SERF1B: variants seen among roughly 807,000 people sequenced by gnomAD.
SERF1B encodes the protein small EDRK-rich factor 1B.
At chr5:70,038,250 G>T (rs1194890081) in intron 2 of SERF1B, among the ~76,000 whole-genome samples, 2 of 150,332 alleles carry the variant, frequency 1.3e-5, no homozygotes, top group Non-Finnish European at 1.5e-5. Context: ...CACTCAAGGG[G>T]GCTGTTAGGG....
intron 2 of SERF1B, among the ~76,000 whole-genome samples, chr5:70,035,386 T>TTTA (rs1774170801): frequency 8.1e-6 from 1 of 123,344 alleles, no homozygotes; most frequent in African/African-American, 3.0e-5. Context: ...TATTATTATT[T>TTTA]TTTTTTTTTT....
chr5:70,035,367 T>TATC (rs1237288791), intron 2 of SERF1B, among the ~76,000 whole-genome samples: 2 of 138,736 alleles, frequency 1.4e-5, no homozygotes, highest in Admixed American at 7.5e-5. Flanking sequence ...TAATTTTAAT[T>TATC]ATTATTATTA....
rs1774168584 is a variant in SERF1B at position 70,035,364 on chromosome 5, A to ATT, written c.117-6160_117-6159insTT. ...ATGCCCATCCCTGGAGAATAATTTT[A>ATT]ATTATTATTATTATTATTATTTTTT... On this transcript the variant is annotated intron_variant, in intron 2 of 2. Coordinates refer to ENST00000380750, the MANE Select transcript of SERF1B (RefSeq NM_022978.3). 3.0e-5 allele frequency among the ~76,000 whole-genome samples: 4 copies of ATT among 132,226 alleles called. No individual in the cohort carries two copies. The Admixed American group carries it at 3.2e-4, about 11-fold the overall frequency. 86.7% of individuals were successfully genotyped at this position (132,226 alleles called of 152,430 possible).
intron 2 of SERF1B, among the ~76,000 whole-genome samples, chr5:70,036,619 A>ACTCT (rs1774189241): frequency 8.0e-6 from 1 of 124,586 alleles, no homozygotes; most frequent in Non-Finnish European, 1.7e-5. Flanking sequence ...ACACACACAC[A>ACTCT]CACACACACA....
At chr5:70,036,381 G>GT (rs1392889098) in intron 2 of SERF1B, among the ~76,000 whole-genome samples, 2 of 84,346 alleles carry the variant, frequency 2.4e-5, no homozygotes, top group African/African-American at 1.2e-4. Flanking sequence ...GAGCTCAGGA[G>GT]TTTGAGACCA....
chr5:70,028,900 C>G (rs1459738800), intron 2 of SERF1B, among the ~76,000 whole-genome samples: 1 of 151,030 alleles, frequency 6.6e-6, no homozygotes, highest in South Asian at 2.1e-4. Context: ...TGGCGTGAAC[C>G]CGGGAGGCGG....
rs1190752176 is a variant in SERF1B at position 70,036,627 on chromosome 5, A to ACTCTCT, written c.117-4896_117-4895insTCTCTC. On this transcript the variant is annotated intron_variant, in intron 2 of 2. Transcript: ENST00000380750. ...CACACACACACACACACACACACAC[A>ACTCTCT]CACTCTCTCTCTCTCTCTCTCTCTC... 5.4e-3 allele frequency among the ~76,000 whole-genome samples: 271 copies of ACTCTCT among 49,968 alleles called. 1 individual carries two copies. Among genetic ancestry groups the ACTCTCT allele is most frequent in the South Asian group, 0.018 (30 of 1,676 alleles). The allele number at this position is 49,968 out of a possible 152,430, so 32.8% of individuals were successfully genotyped here. A position where few individuals can be genotyped will look rare whatever the true frequency, so the allele number is the denominator to read the frequency against.
chr5:70,041,409 TAC>T, intron 2 of SERF1B, 113 bp from the exon 3 acceptor site: 1 of 680,920 alleles, frequency 1.5e-6, no homozygotes, highest in Non-Finnish European at 2.7e-6. Context: ...CAAACATGCA[TAC>T]ACACACATAC....
At chr5:70,041,446 T>C (rs1295086505) in intron 2 of SERF1B, 78 bp from the exon 3 acceptor site, 1 of 634,512 alleles carries the variant, frequency 1.6e-6, no homozygotes, top group African/African-American at 1.9e-5. Context: ...TGTGGGAATG[T>C]ATTTGATTCT....
At position 70,041,804 on chromosome 5, in the gene SERF1B, T is replaced by TC. The variant is rs1774264581; in HGVS notation, c.*67dup. On this transcript the variant is annotated 3_prime_UTR_variant, in exon 3 of 3. Transcript: ENST00000380750. ...TTAATTTCATCTACAAAAACTGTTTTCCCAAATAGGTCACATTCACGCATA... is the reference window on the plus strand; with the variant it reads ...TTAATTTCATCTACAAAAACTGTTTTCCCCAAATAGGTCACATTCACGCATA... 1 of 574,694 alleles carries TC rather than the reference T, an allele frequency of 1.7e-6. No homozygotes were observed. Among genetic ancestry groups the TC allele is most frequent in the Non-Finnish European group, 3.1e-6 (1 of 327,682 alleles). 35.6% of individuals were successfully genotyped at this position (574,694 alleles called of 1,614,324 possible). A position where few individuals can be genotyped will look rare whatever the true frequency, so the allele number is the denominator to read the frequency against.
chr5:70,041,429 TA>T lies in SERF1B; in HGVS notation c.117-93del, dbSNP rs1774256414. ...ATGCATACACACACATACACATAAA[TA>T]AGGGGTGTGGGAATGTATTTGATTC... On this transcript the variant is annotated intron_variant, in intron 2 of 2. Coordinates refer to ENST00000380750, the MANE Select transcript of SERF1B (RefSeq NM_022978.3). 3 of 666,254 alleles carry T rather than the reference TA, an allele frequency of 4.5e-6. 1 individual carries two copies. The East Asian group carries it at 8.1e-5, about 18-fold the overall frequency. 41.3% of individuals were successfully genotyped at this position (666,254 alleles called of 1,614,324 possible). A position where few individuals can be genotyped will look rare whatever the true frequency, so the allele number is the denominator to read the frequency against.
At chr5:70,029,405 G>A (rs1418854225) in intron 2 of SERF1B, among the ~76,000 whole-genome samples, 4 of 150,508 alleles carry the variant, frequency 2.7e-5, no homozygotes, top group Non-Finnish European at 4.4e-5. Flanking sequence ...CAAAGTGCTG[G>A]GATTACAGGC....
At chr5:70,038,224 G>A (rs1774225601) in intron 2 of SERF1B, among the ~76,000 whole-genome samples, 1 of 150,836 alleles carries the variant, frequency 6.6e-6, no homozygotes, top group African/African-American at 2.5e-5. Flanking sequence ...TTTGGTCAAA[G>A]ACTGTAGCCT....
intron 2 of SERF1B, among the ~76,000 whole-genome samples, chr5:70,036,300 A>G (rs1774182136): frequency 4.0e-5 from 2 of 50,250 alleles, no homozygotes; most frequent in Admixed American, 2.0e-4. Context: ...AAAAATTTTT[A>G]TATAGGCTGG....
chr5:70,036,840 T>C (rs1774197113), intron 2 of SERF1B, among the ~76,000 whole-genome samples: 1 of 78,022 alleles, frequency 1.3e-5, no homozygotes, highest in Non-Finnish European at 2.4e-5. Context: ...GTCATAAAAC[T>C]GTCACTGAGA....
chr5:70,028,371 G>A (rs1774081097), intron 2 of SERF1B, among the ~76,000 whole-genome samples: 1 of 148,588 alleles, frequency 6.7e-6, no homozygotes, highest in Non-Finnish European at 1.5e-5. Context: ...TGGTTAACAC[G>A]GTGAAACCCC....
At position 70,036,593 on chromosome 5, in the gene SERF1B, A is replaced by G. The variant is rs547337478; in HGVS notation, c.117-4931A>G. On this transcript the variant is annotated intron_variant, in intron 2 of 2. Coordinates refer to ENST00000380750, the MANE Select transcript of SERF1B (RefSeq NM_022978.3). ...TAAGAGTGGGACCCTGTCTCAAAAC[A>G]TACACACACACACACACACACACAC... is the stretch of plus-strand genomic sequence containing the variant. Among the ~76,000 whole-genome samples the G allele has an allele frequency of 1.3e-4, 13 of 98,992 alleles. No homozygotes were observed. In the South Asian group the frequency reaches 3.5e-3, roughly 27 times the overall value. The allele number at this position is 98,992 out of a possible 152,430, so 64.9% of individuals were successfully genotyped here.
intron 2 of SERF1B, among the ~76,000 whole-genome samples, chr5:70,028,942 A>C (rs559133977): frequency 6.7e-6 from 1 of 149,784 alleles, no homozygotes; most frequent in Middle Eastern, 3.8e-3. Flanking sequence ...GCGCCACCGC[A>C]CTCCAGCCTG....
chr5:70,037,992 C>T (rs999660124), intron 2 of SERF1B, among the ~76,000 whole-genome samples: 17 of 117,714 alleles, frequency 1.4e-4, no homozygotes, highest in Admixed American at 1.1e-3. Flanking sequence ...ACATACAAAC[C>T]GAATTTCCAT....
Sources: allele counts gnomAD v4.1 joint callset (sites outside exome capture counted in the v4.1 genomes callset), GRCh38; gene constraint gnomAD v4.1.1; transcripts MANE v1.5; gene names NCBI Gene and HGNC (gene_info 2026-07-23, HGNC 2026-07-21).